ATP5F1E: variants seen among roughly 807,000 people sequenced by gnomAD.
The protein encoded by ATP5F1E is ATP synthase F(1) complex subunit epsilon, mitochondrial.
A neutral mutation model predicts 7.0 loss-of-function variants in ATP5F1E; 5 were observed. The observed-to-expected ratio is 0.71, with a 90% confidence interval of 0.37 to 1.49. The LOEUF (loss-of-function observed/expected upper bound fraction) is 1.49, where lower values mean the gene tolerates loss of function less well. Ranked by LOEUF, ATP5F1E falls within the 40% of genes most tolerant of loss-of-function variation. The probability of loss-of-function intolerance (pLI) is 0.03; values close to 1 mark genes in which losing one functional copy is unlikely to be tolerated. For missense variants in ATP5F1E, 59 were observed against 57.1 expected (o/e 1.03, Z -0.11); for synonymous variants, 20 against 20.1 (o/e 0.99, Z 0.02).
rs754936328 is a variant in ATP5F1E, at chr20:59,030,264, T to A, written c.*3+39A>T. ...TGATCTTTATGGTGCTCCAAAAACT[T>A]AAGATGCAACTGTTCTTCTAAATAA... On this transcript the variant is annotated intron_variant, in intron 2 of 2. Coordinates refer to ENST00000243997, the MANE Select transcript of ATP5F1E (RefSeq NM_006886.4). 6.8e-6 allele frequency: 11 copies of A among 1,609,660 alleles called. No individual in the cohort carries two copies. The South Asian group carries it at 1.2e-4, about 18-fold the overall frequency.
intron 2 of ATP5F1E, chr20:59,029,489 T>C (rs1013115285): frequency 2.0e-5 from 3 of 152,268 alleles, no homozygotes; most frequent in African/African-American, 7.2e-5. Context: ...AAAGGATTAA[T>C]ATTTATCACA....
At chr20:59,030,569 A>T in intron 1 of ATP5F1E, 140 bp from the exon 2 acceptor site, 1 of 1,048,720 alleles carries the variant, frequency 9.5e-7, no homozygotes, top group Non-Finnish European at 1.4e-6. Flanking sequence ...TAAAAATATG[A>T]CTAATGCCAA....
intron 1 of ATP5F1E, 30 bp from the exon 2 acceptor site, chr20:59,030,459 T>TA: frequency 6.2e-7 from 1 of 1,611,986 alleles, no homozygotes; most frequent in African/African-American, 1.3e-5. Flanking sequence ...GGTATATGGT[T>TA]AATTATCAAT....
In ATP5F1E at chr20:59,026,730, GT is replaced by G. The variant is rs1228147519; in HGVS notation, c.*2114del. 1.3e-5 allele frequency: 2 copies of G among 152,208 alleles called. No individual in the cohort carries two copies. The highest frequency in any genetic ancestry group is 2.9e-5 in the Non-Finnish European group (2 of 68,040). 9.4% of individuals were successfully genotyped at this position (152,208 alleles called of 1,614,324 possible). Reference sequence around the variant, plus strand: ...ACTCTTTCGTATGGTAGAAATAGATGTAAAAACACAAAACAAACTAGAAACT... The same window carrying G: ...ACTCTTTCGTATGGTAGAAATAGATGAAAAACACAAAACAAACTAGAAACT... On this transcript the variant is annotated 3_prime_UTR_variant, in exon 3 of 3. Coordinates refer to ENST00000243997, the MANE Select transcript of ATP5F1E (RefSeq NM_006886.4).
At chr20:59,029,530 T>C (rs1479755150) in intron 2 of ATP5F1E, 1 of 152,282 alleles carries the variant, frequency 6.6e-6, no homozygotes, top group Non-Finnish European at 1.5e-5. Flanking sequence ...TGAAGCTTTT[T>C]AAAAGCAAAA....
intron 1 of ATP5F1E, 62 bp from the exon 2 acceptor site, chr20:59,030,491 C>T (rs1018599025): frequency 2.8e-5 from 44 of 1,599,556 alleles, no homozygotes; most frequent in Non-Finnish European, 3.0e-5. Flanking sequence ...ACAGCTGTTA[C>T]TGTGTTTTCG....
rs761811095 is a variant in ATP5F1E, at chr20:59,032,286, G to C, written c.-35C>G. The C allele has an allele frequency of 6.3e-7, 1 of 1,592,292 alleles. No homozygotes were observed. The highest frequency in any genetic ancestry group is 1.1e-5 in the South Asian group (1 of 87,928). On this transcript the variant is annotated 5_prime_UTR_variant, in exon 1 of 3. Transcript: ENST00000243997. Reference sequence around the variant, plus strand: ...AAAGCGGAGCTCGTCGGGCCGAATCGCCAAGACGCCGGCAATGTCGGCTCA... The same window carrying C: ...AAAGCGGAGCTCGTCGGGCCGAATCCCCAAGACGCCGGCAATGTCGGCTCA...
rs925842218 is a variant in ATP5F1E, at chr20:59,030,438, A to C, written c.33-9T>G. ...GGGAGTATCGGATGTAGCTGGGAGA[A>C]AATGAGAGAAGGTATATGGTTAATT... On this transcript the variant is annotated splice_polypyrimidine_tract_variant and intron_variant, in intron 1 of 2. Transcript: ENST00000243997. 1 of 1,613,416 alleles carries C rather than the reference A, an allele frequency of 6.2e-7. No homozygotes were observed. The highest frequency in any genetic ancestry group is 1.3e-5 in the African/African-American group (1 of 74,924).
chr20:59,029,195 G>A (rs1211972210), intron 2 of ATP5F1E: 3 of 152,168 alleles, frequency 2.0e-5, no homozygotes, highest in Non-Finnish European at 2.9e-5. Flanking sequence ...TGACCCCCAG[G>A]ACTTTGCAAA....
At chr20:59,031,370 G>A (rs949254172) in intron 1 of ATP5F1E, among the ~76,000 whole-genome samples, 3 of 152,160 alleles carry the variant, frequency 2.0e-5, no homozygotes, top group African/African-American at 7.2e-5. Context: ...CCTAATAAAC[G>A]GTATCTACTA....
chr20:59,030,453 T>C (rs773452255), intron 1 of ATP5F1E, 24 bp from the exon 2 acceptor site: 3 of 1,612,634 alleles, frequency 1.9e-6, no homozygotes, highest in South Asian at 2.2e-5. Flanking sequence ...AGAGAAGGTA[T>C]ATGGTTAATT....
chr20:59,029,516 G>T (rs2092012397), intron 2 of ATP5F1E: 1 of 152,140 alleles, frequency 6.6e-6, no homozygotes, highest in Admixed American at 6.6e-5. Flanking sequence ...TGCTATTATG[G>T]GTCTGAAGCT....
In ATP5F1E at chr20:59,027,314, A is replaced by G. The variant is rs571855072; in HGVS notation, c.*1531T>C. The G allele has an allele frequency of 6.6e-6, 1 of 151,992 alleles. No individual in the cohort carries two copies. Among genetic ancestry groups the G allele is most frequent in the South Asian group, 2.1e-4 (1 of 4,808 alleles). The allele number at this position is 151,992 out of a possible 1,614,324, so 9.4% of individuals were successfully genotyped here. A position where few individuals can be genotyped will look rare whatever the true frequency, so the allele number is the denominator to read the frequency against. Reference sequence around the variant, plus strand: ...CATACCATATACCAATAATCTGCCAATATACTACCAATCTACCATACCATC... The same window carrying G: ...CATACCATATACCAATAATCTGCCAGTATACTACCAATCTACCATACCATC... On this transcript the variant is annotated 3_prime_UTR_variant, in exon 3 of 3. Transcript: ENST00000243997.
In ATP5F1E at chr20:59,026,525, C is replaced by T. The variant is rs1344184916; in HGVS notation, c.*2320G>A. The T allele has an allele frequency of 6.6e-6, 1 of 152,192 alleles. No individual in the cohort carries two copies. Among genetic ancestry groups the T allele is most frequent in the African/African-American group, 2.4e-5 (1 of 41,450 alleles). 9.4% of individuals were successfully genotyped at this position (152,192 alleles called of 1,614,324 possible). ...GGAGGGATTTAAACCTTTTAAAAAA[C>T]TTTTGCTGACTTATATTACTGTAAA... On this transcript the variant is annotated 3_prime_UTR_variant, in exon 3 of 3. Coordinates refer to ENST00000243997, the MANE Select transcript of ATP5F1E (RefSeq NM_006886.4).
rs995972633 is a variant in ATP5F1E, at chr20:59,027,420, A to G, written c.*1425T>C. On this transcript the variant is annotated 3_prime_UTR_variant, in exon 3 of 3. Transcript: ENST00000243997. Reference sequence around the variant, plus strand: ...TCTACCAATATACTAGCAATCTACTATGCCATCTATATACCAATAATACCC... The same window carrying G: ...TCTACCAATATACTAGCAATCTACTGTGCCATCTATATACCAATAATACCC... 1.3e-5 allele frequency: 2 copies of G among 152,196 alleles called. No homozygotes were observed. Among genetic ancestry groups the G allele is most frequent in the Admixed American group, 6.5e-5 (1 of 15,298 alleles). 9.4% of individuals were successfully genotyped at this position (152,196 alleles called of 1,614,324 possible).
rs1291547810 is a variant in ATP5F1E at position 59,026,037 on chromosome 20, C to T, written c.*2808G>A. 5 of 152,072 alleles carry T rather than the reference C, an allele frequency of 3.3e-5. No homozygotes were observed. Among genetic ancestry groups the T allele is most frequent in the African/African-American group, 9.7e-5 (4 of 41,378 alleles). The allele number at this position is 152,072 out of a possible 1,614,324, so 9.4% of individuals were successfully genotyped here. A position where few individuals can be genotyped will look rare whatever the true frequency, so the allele number is the denominator to read the frequency against. ...ATACACTATTTGATCCATGGATAAC[C>T]GGTAATGGGAAAATGCTCCGACCCT... On this transcript the variant is annotated 3_prime_UTR_variant, in exon 3 of 3. Coordinates refer to ENST00000243997, the MANE Select transcript of ATP5F1E (RefSeq NM_006886.4).
chr20:59,028,177 T>G lies in ATP5F1E; in HGVS notation c.*668A>C, dbSNP rs976293987. 1 of 152,218 alleles carries G rather than the reference T, an allele frequency of 6.6e-6. No homozygotes were observed. 9.4% of individuals were successfully genotyped at this position (152,218 alleles called of 1,614,324 possible). On this transcript the variant is annotated 3_prime_UTR_variant, in exon 3 of 3. Coordinates refer to ENST00000243997, the MANE Select transcript of ATP5F1E (RefSeq NM_006886.4). ...CAAAACTCCTAGGTTTTAATTTCAG[T>G]TTGGCCATCAACTCAATGAGCAAGT...
In ATP5F1E at chr20:59,032,319, G is replaced by C. The variant is rs1294224447; in HGVS notation, c.-68C>G. 1 of 1,560,684 alleles carries C rather than the reference G, an allele frequency of 6.4e-7. No homozygotes were observed. The highest frequency in any genetic ancestry group is 2.3e-5 in the East Asian group (1 of 42,652). On this transcript the variant is annotated 5_prime_UTR_variant, in exon 1 of 3. Coordinates refer to ENST00000243997, the MANE Select transcript of ATP5F1E (RefSeq NM_006886.4). The stretch of plus-strand genomic sequence containing the variant: ...GCCGGCAATGTCGGCTCAGCCGGGC[G>C]GTTCAGCCGCAGGAAGATCAGACCA...
Position 59,025,807 on chromosome 20 carries a change from A to C in ATP5F1E, c.*3038T>G, listed in dbSNP as rs2091991346. ...TTTACAGTTCAAATTAATTTGCAGA[A>C]GTTGCCATAAATGTTTGCATAATGA... On this transcript the variant is annotated 3_prime_UTR_variant, in exon 3 of 3. Coordinates refer to ENST00000243997, the MANE Select transcript of ATP5F1E (RefSeq NM_006886.4). The C allele has an allele frequency of 6.6e-6, 1 of 152,276 alleles. No individual in the cohort carries two copies. Among genetic ancestry groups the C allele is most frequent in the East Asian group, 1.9e-4 (1 of 5,204 alleles). The allele number at this position is 152,276 out of a possible 1,614,324, so 9.4% of individuals were successfully genotyped here. A position where few individuals can be genotyped will look rare whatever the true frequency, so the allele number is the denominator to read the frequency against.
Sources: gnomAD v4.1 joint callset for allele counts (sites outside exome capture counted in the v4.1 genomes callset) on GRCh38, gnomAD v4.1.1 for gene constraint, MANE v1.5 for transcripts, NCBI Gene and HGNC (gene_info 2026-07-23, HGNC 2026-07-21) for gene names.